LRRC38: variants seen among roughly 807,000 people sequenced by gnomAD.
LRRC38 encodes leucine-rich repeat-containing protein 38.
A neutral mutation model predicts 16.4 loss-of-function variants in LRRC38; 5 were observed. The observed-to-expected ratio is 0.31, with a 90% confidence interval of 0.16 to 0.64. The LOEUF (loss-of-function observed/expected upper bound fraction) is 0.64, where lower values mean the gene tolerates loss of function less well. Ranked by LOEUF, LRRC38 falls within the 30% of genes least tolerant of loss-of-function variation. LRRC38 has a pLI of 0.80. For synonymous variants in LRRC38, 191 were observed against 190.2 expected (o/e 1.00, Z -0.04); for missense variants, 341 against 401.8 (o/e 0.85, Z 1.29).
Position 13,513,832 on chromosome 1 carries a change from A to G in LRRC38, c.-239T>C, listed in dbSNP as rs1208423176. 1 of 155,180 alleles carries G rather than the reference A, an allele frequency of 6.4e-6. No homozygotes were observed. Among genetic ancestry groups the G allele is most frequent in the Non-Finnish European group, 1.4e-5 (1 of 70,462 alleles). The allele number at this position is 155,180 out of a possible 1,614,324, so 9.6% of individuals were successfully genotyped here. A position where few individuals can be genotyped will look rare whatever the true frequency, so the allele number is the denominator to read the frequency against. On this transcript the variant is annotated 5_prime_UTR_variant, in exon 1 of 2. Transcript: ENST00000376085. ...GGGAGGGAGGGGCGAGGGACTCACC[A>G]AAGGGTTTACCCGGACAGGAAATTA...
chr1:13,511,632 C>G (rs1048102641), intron 1 of LRRC38, among the ~76,000 whole-genome samples: 1 of 152,060 alleles, frequency 6.6e-6, no homozygotes, highest in East Asian at 1.9e-4. Flanking sequence ...CAAGCAGAAC[C>G]GAGGTGTACC....
At chr1:13,478,104 A>G (rs1169062408) in intron 1 of LRRC38, among the ~76,000 whole-genome samples, 1 of 152,228 alleles carries the variant, frequency 6.6e-6, no homozygotes, top group Non-Finnish European at 1.5e-5. Flanking sequence ...CTGATACACA[A>G]TACGAGCTAT....
At chr1:13,499,116 A>G (rs1639117121) in intron 1 of LRRC38, among the ~76,000 whole-genome samples, 1 of 152,058 alleles carries the variant, frequency 6.6e-6, no homozygotes, top group African/African-American at 2.4e-5. Flanking sequence ...TGTTTTTTTG[A>G]GACAGAGTCT....
Position 13,475,160 on chromosome 1 carries a change from C to G in LRRC38, c.*686G>C, listed in dbSNP as rs1398824056. ...TCTCTGGGGCCACCTTTCATGAGGG[C>G]ACTAATCCCATCATTTGGGCCCCAT... On this transcript the variant is annotated 3_prime_UTR_variant, in exon 2 of 2. Coordinates refer to ENST00000376085, the MANE Select transcript of LRRC38 (RefSeq NM_001010847.2). This position sits in a 1 kb window ranked among gnomAD's most constrained non-coding sequence, Gnocchi z 4.3. 6.6e-6 allele frequency: 1 copy of G among 152,166 alleles called. No homozygotes were observed. The highest frequency in any genetic ancestry group is 1.5e-5 in the Non-Finnish European group (1 of 68,092). 9.4% of individuals were successfully genotyped at this position (152,166 alleles called of 1,614,324 possible).
intron 1 of LRRC38, among the ~76,000 whole-genome samples, chr1:13,496,415 T>C: frequency 6.6e-6 from 1 of 152,048 alleles, no homozygotes; most frequent in East Asian, 1.9e-4. Context: ...TCAAGCAATC[T>C]TCCCGCCTCA....
chr1:13,482,298 C>T (rs1638879127), intron 1 of LRRC38, among the ~76,000 whole-genome samples: 2 of 152,044 alleles, frequency 1.3e-5, no homozygotes, highest in Non-Finnish European at 2.9e-5. Flanking sequence ...AAAGCCTGGC[C>T]AGGCACGGTG....
rs113805396 is a variant in LRRC38, at chr1:13,488,266, C to CT, written c.632-12168dup. Among the ~76,000 whole-genome samples the CT allele has an allele frequency of 8.4e-3, 1,182 of 140,354 alleles. 5 individuals carry two copies. Among genetic ancestry groups the CT allele is most frequent in the Non-Finnish European group, 0.011 (720 of 64,884 alleles). 92.1% of individuals were successfully genotyped at this position (140,354 alleles called of 152,430 possible). On this transcript the variant is annotated intron_variant, in intron 1 of 1. Transcript: ENST00000376085. ...ATGCTGCTATGAACAGCCTTGCACA[C>CT]TTTTTTTTTTTTTTTTGTCTGAGAC... is the stretch of plus-strand genomic sequence containing the variant.
At chr1:13,506,271 G>T (rs1415301012) in intron 1 of LRRC38, among the ~76,000 whole-genome samples, 1 of 152,094 alleles carries the variant, frequency 6.6e-6, no homozygotes, top group East Asian at 1.9e-4. Context: ...ACAGGTAACA[G>T]CACAGGCATG....
intron 1 of LRRC38, among the ~76,000 whole-genome samples, chr1:13,504,876 A>G (rs1009262907): frequency 2.0e-5 from 3 of 148,262 alleles, no homozygotes; most frequent in Non-Finnish European, 4.4e-5. Context: ...AAAGAGAAAG[A>G]AAAGAGAAAC....
intron 1 of LRRC38, among the ~76,000 whole-genome samples, chr1:13,508,333 G>A (rs190155596): frequency 4.1e-4 from 63 of 152,230 alleles, no homozygotes; most frequent in Admixed American, 3.7e-3. Flanking sequence ...AAGGATATTC[G>A]GCTCAGCACT....
intron 1 of LRRC38, among the ~76,000 whole-genome samples, chr1:13,504,950 C>T (rs761601891): frequency 7.9e-5 from 12 of 152,066 alleles, no homozygotes; most frequent in Non-Finnish European, 5.9e-5. Context: ...AAAAGGGGTG[C>T]TGTTTCCTGT....
At chr1:13,511,913 C>T (rs1639278097) in intron 1 of LRRC38, among the ~76,000 whole-genome samples, 1 of 152,136 alleles carries the variant, frequency 6.6e-6, no homozygotes, top group African/African-American at 2.4e-5. Context: ...AGGAGTTCAG[C>T]ACACAGATGA....
At chr1:13,502,930 A>G (rs543860521) in intron 1 of LRRC38, among the ~76,000 whole-genome samples, 11 of 152,252 alleles carry the variant, frequency 7.2e-5, no homozygotes, top group Non-Finnish European at 1.3e-4. Flanking sequence ...GGTCTTACGA[A>G]AAAGCAATGC....
intron 1 of LRRC38, among the ~76,000 whole-genome samples, chr1:13,484,287 A>C (rs1638906123): frequency 1.4e-5 from 2 of 148,020 alleles, no homozygotes; most frequent in South Asian, 2.2e-4. Flanking sequence ...ATCATCCTCC[A>C]TCTCCCCCTT....
intron 1 of LRRC38, among the ~76,000 whole-genome samples, chr1:13,483,234 C>T (rs1638890948): frequency 6.6e-6 from 1 of 151,564 alleles, no homozygotes; most frequent in Admixed American, 6.6e-5. Context: ...TCACTGGAAC[C>T]TCTGCCTCCC....
At chr1:13,483,810 GTTAGCA>G (rs1454269684) in intron 1 of LRRC38, among the ~76,000 whole-genome samples, 2 of 152,112 alleles carry the variant, frequency 1.3e-5, no homozygotes, top group Non-Finnish European at 2.9e-5. Flanking sequence ...GAATCCCGTG[GTTAGCA>G]TTGTTCAGAT....
intron 1 of LRRC38, among the ~76,000 whole-genome samples, chr1:13,507,057 T>C (rs188930333): frequency 2.6e-5 from 4 of 152,362 alleles, no homozygotes; most frequent in African/African-American, 9.6e-5. Context: ...GTAGAGTAAC[T>C]GGATGAGTTG....
chr1:13,482,011 T>C (rs1638875851), intron 1 of LRRC38, among the ~76,000 whole-genome samples: 1 of 152,168 alleles, frequency 6.6e-6, no homozygotes. Context: ...AAGACTAAGA[T>C]AGTAACCTTC....
intron 1 of LRRC38, among the ~76,000 whole-genome samples, chr1:13,507,138 C>G (rs557090253): frequency 6.6e-6 from 1 of 152,324 alleles, no homozygotes; most frequent in Non-Finnish European, 1.5e-5. Flanking sequence ...CAGGCAGCAA[C>G]CAAGGCAGAC....
Sources: gnomAD v4.1 joint callset for allele counts (sites outside exome capture counted in the v4.1 genomes callset) on GRCh38, gnomAD v4.1.1 for gene constraint, Gnocchi (gnomAD v3.1) non-coding constraint, MANE v1.5 for transcripts, NCBI Gene and HGNC (gene_info 2026-07-23, HGNC 2026-07-21) for gene names.